The following ELAVL4 variants were observed in gnomAD, a reference collection of about 807,000 sequenced individuals.
ELAVL4 encodes ELAV-like protein 4.
In ELAVL4, 1 loss-of-function variant was observed where a neutral mutation model predicts 35.6. The ratio of observed to expected loss-of-function variants is 0.03; its 90% CI spans 0.01 to 0.13. ELAVL4 has a LOEUF of 0.13. Among genes scored for constraint, ELAVL4 ranks in the 10% least tolerant of loss-of-function variants. The pLI is 1.00. For missense variants in ELAVL4, 267 were observed against 464.9 expected (o/e 0.57, Z 3.91); for synonymous variants, 156 against 171.0 (o/e 0.91, Z 0.69).
chr1:50,091,018 G>T (rs974445636), intron 1 of ELAVL4, among the ~76,000 whole-genome samples: 2 of 152,202 alleles, frequency 1.3e-5, no homozygotes, highest in Non-Finnish European at 2.9e-5. Context: ...CTGGAGTAAG[G>T]TGGGGGAAAT....
At chr1:50,065,131 C>G (rs570021132) in intron 1 of ELAVL4, among the ~76,000 whole-genome samples, 1 of 152,196 alleles carries the variant, frequency 6.6e-6, no homozygotes, top group East Asian at 1.9e-4. Flanking sequence ...AGTCTGCTCA[C>G]CCCCCACCTT....
chr1:50,106,612 C>A (rs969784177), upstream of ELAVL4, among the ~76,000 whole-genome samples: 1 of 152,116 alleles, frequency 6.6e-6, no homozygotes, highest in African/African-American at 2.4e-5. Context: ...TAGCGGTCAG[C>A]CCCTCACTCT....
intron 1 of ELAVL4, among the ~76,000 whole-genome samples, chr1:50,129,696 T>A (rs1181285450): frequency 6.6e-6 from 1 of 152,172 alleles, no homozygotes; most frequent in African/African-American, 2.4e-5. Flanking sequence ...GATGAATAGC[T>A]ATTGGCATAG....
At chr1:50,171,046 A>G (rs1482891885) in intron 2 of ELAVL4, among the ~76,000 whole-genome samples, 2 of 152,146 alleles carry the variant, frequency 1.3e-5, no homozygotes, top group African/African-American at 4.8e-5. Context: ...ACAAACAAAA[A>G]AACCCCACAT....
At chr1:50,094,292 T>C (rs940795052) in intron 1 of ELAVL4, among the ~76,000 whole-genome samples, 5 of 152,188 alleles carry the variant, frequency 3.3e-5, no homozygotes, top group African/African-American at 1.2e-4. Context: ...AACCATGTCC[T>C]ATAAATTTGT....
chr1:50,051,424 T>C (rs1663376634), intron 1 of ELAVL4, among the ~76,000 whole-genome samples: 1 of 152,220 alleles, frequency 6.6e-6, no homozygotes, highest in South Asian at 2.1e-4. Flanking sequence ...TCAGTCTTAT[T>C]CTTGGGCCAA....
At chr1:50,085,420 C>T (rs543080948) in intron 1 of ELAVL4, among the ~76,000 whole-genome samples, 1 of 152,308 alleles carries the variant, frequency 6.6e-6, no homozygotes, top group Non-Finnish European at 1.5e-5. Context: ...AGGAGGATGG[C>T]TTGTGGCCAA....
chr1:50,048,969 C>G (rs1416157243), intron 1 of ELAVL4, among the ~76,000 whole-genome samples: 3 of 152,138 alleles, frequency 2.0e-5, no homozygotes, highest in African/African-American at 7.2e-5. Flanking sequence ...TCATTTGTTT[C>G]TACAAGGAGA....
intron 2 of ELAVL4, among the ~76,000 whole-genome samples, chr1:50,157,498 A>G (rs1675968173): frequency 6.6e-6 from 1 of 152,184 alleles, no homozygotes; most frequent in South Asian, 2.1e-4. Flanking sequence ...CGTACATCTC[A>G]ACAAAAGCTG....
At chr1:50,106,071 C>T (rs1666278161), upstream of ELAVL4, 1 of 402,488 alleles carries the variant, frequency 2.5e-6, no homozygotes, top group Non-Finnish European at 4.4e-6. Context: ...ATACAATTCA[C>T]GCTTCCATTT....
intron 1 of ELAVL4, among the ~76,000 whole-genome samples, chr1:50,066,488 G>A (rs1454759492): frequency 1.3e-5 from 2 of 152,206 alleles, no homozygotes; most frequent in Admixed American, 6.5e-5. Flanking sequence ...AAATCCCCCA[G>A]AGCTTTGTTT....
chr1:50,182,870 CT>C (rs544097612), intron 3 of ELAVL4, among the ~76,000 whole-genome samples: 6,800 of 145,538 alleles, frequency 0.047, 216 homozygotes, highest in African/African-American at 0.093. Flanking sequence ...TATTTCCATC[CT>C]TTTTTTTTTT....
chr1:50,164,010 C>T (rs1444021414), intron 2 of ELAVL4, among the ~76,000 whole-genome samples: 1 of 152,156 alleles, frequency 6.6e-6, no homozygotes, highest in African/African-American at 2.4e-5. Flanking sequence ...CTACTTCTCC[C>T]TCTGGGCCGT....
chr1:50,116,557 A>G (rs190606724), intron 1 of ELAVL4, among the ~76,000 whole-genome samples: 13 of 151,996 alleles, frequency 8.6e-5, no homozygotes, highest in Admixed American at 2.6e-4. Flanking sequence ...TTTGCTTTCT[A>G]ATTTGTACAT....
At chr1:50,125,110 G>T (rs566452339) in intron 1 of ELAVL4, among the ~76,000 whole-genome samples, 1 of 152,030 alleles carries the variant, frequency 6.6e-6, no homozygotes, top group Non-Finnish European at 1.5e-5. Context: ...ATAGTAGTGT[G>T]TGCCTGTAGT....
chr1:50,159,450 A>G (rs536664000), intron 2 of ELAVL4, among the ~76,000 whole-genome samples: 5 of 152,108 alleles, frequency 3.3e-5, no homozygotes, highest in Non-Finnish European at 7.3e-5. Context: ...TCTACTAAAA[A>G]TACAAAAAAT....
chr1:50,067,780 C>T (rs781024705), intron 1 of ELAVL4, among the ~76,000 whole-genome samples: 4 of 152,162 alleles, frequency 2.6e-5, no homozygotes, highest in Non-Finnish European at 5.9e-5. Flanking sequence ...CTCACAGTTC[C>T]ACATGGCTGT....
chr1:50,064,552 T>C (rs900708751), intron 1 of ELAVL4, among the ~76,000 whole-genome samples: 1 of 152,180 alleles, frequency 6.6e-6, no homozygotes, highest in African/African-American at 2.4e-5. Context: ...ATCTTTTTTG[T>C]CTACATACTA....
chr1:50,106,094 T>G (rs1666280683), upstream of ELAVL4: 3 of 432,846 alleles, frequency 6.9e-6, no homozygotes, highest in Non-Finnish European at 8.2e-6. Context: ...GTTCCTTCCT[T>G]TTGGTGCTTT....
Sources: gnomAD v4.1 joint callset for allele counts (sites outside exome capture counted in the v4.1 genomes callset) on GRCh38, gnomAD v4.1.1 for gene constraint, MANE v1.5 for transcripts, NCBI Gene and HGNC (gene_info 2026-07-23, HGNC 2026-07-21) for gene names.